Variants in SLC41A2 observed in about 807,000 individuals in gnomAD.
SLC41A2 encodes the protein SLC41A1-like 1.
In SLC41A2, 32 loss-of-function variants were observed where a neutral mutation model predicts 58.3. The ratio of observed to expected loss-of-function variants is 0.55; its 90% CI spans 0.41 to 0.74. The LOEUF (loss-of-function observed/expected upper bound fraction) is 0.74, where lower values mean the gene tolerates loss of function less well. Among genes scored for constraint, SLC41A2 ranks in the 30% least tolerant of loss-of-function variants. SLC41A2 has a pLI of 0.00. For synonymous variants in SLC41A2, 190 were observed against 235.0 expected, an observed-to-expected ratio of 0.81 and a Z score of 1.75; for missense variants, 514 against 680.6, an observed-to-expected ratio of 0.76 and a Z score of 2.72.
intron 10 of SLC41A2, among the ~76,000 whole-genome samples, chr12:104,831,439 A>G (rs1247465647): frequency 6.6e-6 from 1 of 152,184 alleles, no homozygotes; most frequent in East Asian, 1.9e-4. Flanking sequence ...CATGCTCCAA[A>G]TAATGACATT....
intron 10 of SLC41A2, among the ~76,000 whole-genome samples, chr12:104,838,887 A>C (rs2042304751): frequency 6.6e-6 from 1 of 152,232 alleles, no homozygotes; most frequent in African/African-American, 2.4e-5. Flanking sequence ...AGTAGTTGGC[A>C]CACTATATGT....
chr12:104,826,181 CCATTGGGA>C (rs2041838878), intron 10 of SLC41A2, among the ~76,000 whole-genome samples: 1 of 152,162 alleles, frequency 6.6e-6, no homozygotes, highest in Non-Finnish European at 1.5e-5. Context: ...GTATCCTGAA[CCATTGGGA>C]CTGCTTTGAC....
chr12:104,874,395 T>C (rs2043948282), intron 6 of SLC41A2, among the ~76,000 whole-genome samples: 1 of 152,186 alleles, frequency 6.6e-6, no homozygotes, highest in Non-Finnish European at 1.5e-5. Context: ...GATTTTTTGA[T>C]GTGATATCCA....
At chr12:104,892,264 G>A (rs1284457141) in intron 4 of SLC41A2, among the ~76,000 whole-genome samples, 2 of 148,020 alleles carry the variant, frequency 1.4e-5, no homozygotes, top group South Asian at 4.2e-4. Context: ...CTCTAGCCTG[G>A]TAGCCTGGGC....
intron 10 of SLC41A2, among the ~76,000 whole-genome samples, chr12:104,807,878 G>A (rs1181065254): frequency 6.6e-6 from 1 of 152,060 alleles, no homozygotes; most frequent in African/African-American, 2.4e-5. Context: ...TCTGTTATTG[G>A]TGTATAAGAA....
At chr12:104,941,126 C>G (rs1323424432) in intron 1 of SLC41A2, among the ~76,000 whole-genome samples, 1 of 152,014 alleles carries the variant, frequency 6.6e-6, no homozygotes, top group East Asian at 1.9e-4. Context: ...ACTGTCATGT[C>G]GGTAACACCA....
chr12:104,823,293 A>G (rs2041712423), intron 10 of SLC41A2, among the ~76,000 whole-genome samples: 2 of 152,204 alleles, frequency 1.3e-5, no homozygotes, highest in African/African-American at 2.4e-5. Flanking sequence ...ATACCTGTCA[A>G]CATAAAAATA....
chr12:104,884,124 C>G (rs1248085110), intron 6 of SLC41A2, among the ~76,000 whole-genome samples: 1 of 152,210 alleles, frequency 6.6e-6, no homozygotes, highest in Non-Finnish European at 1.5e-5. Flanking sequence ...GAGCAAGGCT[C>G]CATGGGTGTG....
At chr12:104,915,587 T>G (rs1312761036) in intron 2 of SLC41A2, among the ~76,000 whole-genome samples, 1 of 152,242 alleles carries the variant, frequency 6.6e-6, no homozygotes, top group Non-Finnish European at 1.5e-5. Flanking sequence ...TATTGGTGTA[T>G]AAGAATGCTT....
chr12:104,837,995 G>A (rs1423432937), intron 10 of SLC41A2, among the ~76,000 whole-genome samples: 1 of 152,152 alleles, frequency 6.6e-6, no homozygotes, highest in Non-Finnish European at 1.5e-5. Context: ...TGCTTACTGG[G>A]GGCCTATCTT....
chr12:104,904,045 G>C (rs1166112538), intron 3 of SLC41A2, among the ~76,000 whole-genome samples: 9 of 152,224 alleles, frequency 5.9e-5, no homozygotes, highest in Admixed American at 5.9e-4. Flanking sequence ...TTTAACGGTA[G>C]TATGTGATCA....
intron 10 of SLC41A2, among the ~76,000 whole-genome samples, chr12:104,834,701 A>G (rs1051535319): frequency 1.3e-5 from 2 of 152,124 alleles, no homozygotes; most frequent in African/African-American, 4.8e-5. Context: ...AAAAGACATA[A>G]CTACATCATT....
chr12:104,878,820 A>G (rs2135587266), intron 6 of SLC41A2, among the ~76,000 whole-genome samples: 1 of 152,230 alleles, frequency 6.6e-6, no homozygotes, highest in East Asian at 1.9e-4. Context: ...TCCTTTGGGT[A>G]TATACCCAGT....
intron 10 of SLC41A2, among the ~76,000 whole-genome samples, chr12:104,843,886 A>G (rs1592979757): frequency 6.6e-6 from 1 of 152,170 alleles, no homozygotes; most frequent in Non-Finnish European, 1.5e-5. Context: ...AACACTATAC[A>G]TGCCAACTAA....
chr12:104,948,944 G>A (rs111716049), intron 1 of SLC41A2, among the ~76,000 whole-genome samples: 5,819 of 152,180 alleles, frequency 0.038, 153 homozygotes, highest in East Asian at 0.1. Context: ...ACGGCTGGGC[G>A]TGGTGGCTCA....
At chr12:104,957,186 A>G (rs1178053198) in intron 1 of SLC41A2, among the ~76,000 whole-genome samples, 1 of 152,238 alleles carries the variant, frequency 6.6e-6, no homozygotes, top group African/African-American at 2.4e-5. Flanking sequence ...ATACAACAAT[A>G]TTAATATGCT....
chr12:104,853,708 A>AATGT (rs57299241), intron 8 of SLC41A2, among the ~76,000 whole-genome samples: 33,494 of 142,470 alleles, frequency 0.24, 4,249 homozygotes, highest in South Asian at 0.33. Context: ...TTTTTAAATA[A>AATGT]ATGTATGTAT....
chr12:104,805,425 G>T, intron 10 of SLC41A2, 88 bp from the exon 11 acceptor site: 1 of 1,079,136 alleles, frequency 9.3e-7, no homozygotes, highest in Non-Finnish European at 1.3e-6. Flanking sequence ...CTGGCTTCTG[G>T]AAGGGACCGT....
chr12:104,906,093 T>G (rs1480395946), intron 3 of SLC41A2, among the ~76,000 whole-genome samples: 1 of 152,118 alleles, frequency 6.6e-6, no homozygotes, highest in Admixed American at 6.5e-5. Flanking sequence ...TACATAAAAG[T>G]TTTTTTGTTT....
Sources: allele counts gnomAD v4.1 joint callset (sites outside exome capture counted in the v4.1 genomes callset), GRCh38; gene constraint gnomAD v4.1.1; transcripts MANE v1.5; gene names NCBI Gene and HGNC (gene_info 2026-07-23, HGNC 2026-07-21).